Variants in VPS33B observed in about 807,000 individuals in gnomAD.
VPS33B encodes vacuolar protein sorting-associated protein 33B.
VPS33B carries 80 observed loss-of-function variants against 95.3 expected under a neutral mutation model. The observed-to-expected ratio is 0.84, with a 90% CI of 0.70 to 1.01. The LOEUF (loss-of-function observed/expected upper bound fraction) is 1.01. Ranked by LOEUF, VPS33B falls within the 50% of genes least tolerant of loss-of-function variation. VPS33B has a pLI of 0.00. For synonymous variants in VPS33B, 280 were observed against 280.4 expected (o/e 1.00, Z 0.01); for missense variants, 715 against 773.4 (o/e 0.92, Z 0.90).
chr15:91,014,867 G>T (rs1555460110), intron 3 of VPS33B, among the ~76,000 whole-genome samples: 1 of 150,732 alleles, frequency 6.6e-6, no homozygotes, highest in Non-Finnish European at 1.5e-5. Flanking sequence ...TGAGAAGATT[G>T]CTTGAGCTCA....
At position 91,011,192 on chromosome 15, in the gene VPS33B, T is replaced by C. The variant is rs1203718850; in HGVS notation, c.358-1346A>G. On this transcript the variant is annotated intron_variant, in intron 5 of 22. Transcript: ENST00000333371. The surrounding 1 kb of genome is among the most constrained non-coding windows in gnomAD (Gnocchi z 5.5). Reference sequence around the variant, plus strand: ...GAGGTAAGTGGGGAAAGGGTGAATATTTTAAAGTAATGAGAAAGAATGCTG... The same window carrying C: ...GAGGTAAGTGGGGAAAGGGTGAATACTTTAAAGTAATGAGAAAGAATGCTG... Among the ~76,000 whole-genome samples, 1 of 152,194 alleles carries C rather than the reference T, an allele frequency of 6.6e-6. No individual in the cohort carries two copies.
chr15:91,017,677 C>A, intron 2 of VPS33B, 128 bp downstream of exon 2: 2 of 897,372 alleles, frequency 2.2e-6, no homozygotes, highest in South Asian at 1.5e-5. Flanking sequence ...ATCAATCTCC[C>A]TTTTCTACCC....
Position 91,018,627 on chromosome 15 carries a change from C to G in VPS33B, c.97-742G>C, listed in dbSNP as rs1355919519. On this transcript the variant is annotated intron_variant, in intron 1 of 22. Transcript: ENST00000333371. The surrounding 1 kb of genome is among the most constrained non-coding windows in gnomAD (Gnocchi z 4.7). ...CCTCCGAGGGACATTTGGCAATGTC[C>G]AGACACATTTTTGGTTATCTGACTC... is the stretch of plus-strand genomic sequence containing the variant. Among the ~76,000 whole-genome samples the G allele has an allele frequency of 6.6e-6, 1 of 152,110 alleles. No homozygotes were observed.
At chr15:91,017,914 T>C in intron 1 of VPS33B, 29 bp from the exon 2 acceptor site, 1 of 1,610,350 alleles carries the variant, frequency 6.2e-7, no homozygotes, top group Non-Finnish European at 8.5e-7. Context: ...GTTGGGTCAC[T>C]CACAGGTCAC....
At chr15:91,001,318 A>C in intron 19 of VPS33B, 71 bp downstream of exon 19, 1 of 1,280,444 alleles carries the variant, frequency 7.8e-7, no homozygotes. Context: ...TCAAAAAAAA[A>C]AAAAAAAAAG....
Position 91,007,384 on chromosome 15 carries a change from C to T in VPS33B, c.603+85G>A, listed in dbSNP as rs1324946474. 7.9e-7 allele frequency: 1 copy of T among 1,269,802 alleles called. No individual in the cohort carries two copies. The highest frequency in any genetic ancestry group is 1.2e-6 in the Non-Finnish European group (1 of 866,760). The allele number at this position is 1,269,802 out of a possible 1,614,324, so 78.7% of individuals were successfully genotyped here. A position where few individuals can be genotyped will look rare whatever the true frequency, so the allele number is the denominator to read the frequency against. Reference sequence around the variant, plus strand: ...GCAAAGTAAAGAATACACCTCATATCACAGGTGCCCTTGGATAACCCCAGG... The same window carrying T: ...GCAAAGTAAAGAATACACCTCATATTACAGGTGCCCTTGGATAACCCCAGG... On this transcript the variant is annotated intron_variant, in intron 8 of 22. Coordinates refer to ENST00000333371, the MANE Select transcript of VPS33B (RefSeq NM_018668.5). The surrounding 1 kb of genome is among the most constrained non-coding windows in gnomAD (Gnocchi z 5.3).
intron 1 of VPS33B, among the ~76,000 whole-genome samples, chr15:91,019,768 G>A (rs930620793): frequency 6.6e-6 from 1 of 151,950 alleles, no homozygotes; most frequent in Non-Finnish European, 1.5e-5. Flanking sequence ...GTGGTGGTGT[G>A]AGCAAACATA....
At position 91,007,038 on chromosome 15, in the gene VPS33B, A is replaced by G. The variant is rs773377455; in HGVS notation, c.612T>C (p.Tyr204=). ...CCTCCTCCAGGTTCCTCCACAATTC[A>G]TATGCCATCTGCCAGGGCCCAAGAC... ...YGIGRCAKMA[Y]ELWRNLEEEE... is the part of the protein sequence containing the mutation. The change falls in exon 9 of 23, where the codon TAT becomes TAC. Residue 204 remains tyrosine (Y), a synonymous_variant. Coordinates refer to ENST00000333371, the MANE Select transcript of VPS33B (RefSeq NM_018668.5). This position sits in a 1 kb window ranked among gnomAD's most constrained non-coding sequence, Gnocchi z 5.3. 2 of 1,611,750 alleles carry G rather than the reference A, an allele frequency of 1.2e-6. No individual in the cohort carries two copies. The highest frequency in any genetic ancestry group is 1.7e-6 in the Non-Finnish European group (2 of 1,180,000).
Position 91,007,235 on chromosome 15 carries a change from G to A in VPS33B, c.604-189C>T, listed in dbSNP as rs1352314270. On this transcript the variant is annotated intron_variant, in intron 8 of 22. Coordinates refer to ENST00000333371, the MANE Select transcript of VPS33B (RefSeq NM_018668.5). This position sits in a 1 kb window ranked among gnomAD's most constrained non-coding sequence, Gnocchi z 5.3. ...CCAACACTCTTCCTACTGATGAGAAGATGTGTTACTCTGTCCCCAAAATAA... is the reference window on the plus strand; with the variant it reads ...CCAACACTCTTCCTACTGATGAGAAAATGTGTTACTCTGTCCCCAAAATAA... Among the ~76,000 whole-genome samples the A allele has an allele frequency of 1.3e-5, 2 of 152,168 alleles. No individual in the cohort carries two copies. The highest frequency in any genetic ancestry group is 2.9e-5 in the Non-Finnish European group (2 of 68,038).
intron 6 of VPS33B, among the ~76,000 whole-genome samples, chr15:91,008,537 T>C (rs1013719716): frequency 2.6e-5 from 4 of 152,186 alleles, no homozygotes; most frequent in Admixed American, 6.5e-5. Context: ...AGTGCTGGGA[T>C]TACAGGTGTG....
Position 90,999,934 on chromosome 15 carries a change from T to A in VPS33B, c.1623A>T (p.Val541=). 6.2e-7 allele frequency: 1 copy of A among 1,614,192 alleles called. No homozygotes were observed. Among genetic ancestry groups the A allele is most frequent in the Non-Finnish European group, 8.5e-7 (1 of 1,180,042 alleles). The change falls in exon 21 of 23, where the codon GTA becomes GTT. Residue 541 remains valine, a synonymous_variant. Coordinates refer to ENST00000333371, the MANE Select transcript of VPS33B (RefSeq NM_018668.5). The surrounding 1 kb of genome is among the most constrained non-coding windows in gnomAD (Gnocchi z 5.1). ...RRSWQGLDEV[V]RLLNCSDFAF... ...CAAAGTCACTGCAGTTGAGCAGCCG[T>A]ACCACCTCATCAAGGCCCTGCCAGC...
chr15:91,006,849 T>G lies in VPS33B; in HGVS notation c.700+101A>C. The G allele has an allele frequency of 6.3e-7, 1 of 1,591,454 alleles. No homozygotes were observed. Among genetic ancestry groups the G allele is most frequent in the Non-Finnish European group, 8.6e-7 (1 of 1,159,840 alleles). On this transcript the variant is annotated intron_variant, in intron 9 of 22. Transcript: ENST00000333371. The surrounding 1 kb of genome is among the most constrained non-coding windows in gnomAD (Gnocchi z 5.4). Reference sequence around the variant, plus strand: ...GGACCCACGCTCCTCAAAGCTGGGATTCACAGCCCTAACTTTAGGATTTTA... The same window carrying G: ...GGACCCACGCTCCTCAAAGCTGGGAGTCACAGCCCTAACTTTAGGATTTTA...
chr15:91,007,931 A>G lies in VPS33B; in HGVS notation c.437T>C (p.Leu146Pro). The G allele has an allele frequency of 1.2e-6, 2 of 1,614,250 alleles. No homozygotes were observed. The highest frequency in any genetic ancestry group is 1.7e-6 in the Non-Finnish European group (2 of 1,180,046). Residue 146 changes from leucine to proline, a missense_variant, in exon 7 of 23, where the codon CTG (leucine) becomes CCG (proline). Physicochemically the swap from Leu to Pro is moderately conservative, Grantham distance 98 (BLOSUM62 -3). Coordinates refer to ENST00000333371, the MANE Select transcript of VPS33B (RefSeq NM_018668.5). This position sits in a 1 kb window ranked among gnomAD's most constrained non-coding sequence, Gnocchi z 5.3. ...GCTCAGCAGATCCACATCAAGAGGC[A>G]GCAAAGAGAAGGCCCATTCATCACA... ...VSCDEWAFSL[L>P]PLDVDLLSME...
In VPS33B at chr15:91,014,447, A is replaced by G; in HGVS notation, c.240-14T>C. The G allele has an allele frequency of 6.3e-7, 1 of 1,577,282 alleles. No homozygotes were observed. The highest frequency in any genetic ancestry group is 8.6e-7 in the Non-Finnish European group (1 of 1,162,066). On this transcript the variant is annotated splice_polypyrimidine_tract_variant and intron_variant, in intron 3 of 22. Transcript: ENST00000333371. ...AAGAAGCACAATCTATGAGAGAGAA[A>G]GAAAAAAAAACAGTGAAGAAGAATT...
chr15:91,012,503 G>A (rs147655747), intron 5 of VPS33B, among the ~76,000 whole-genome samples: 1 of 152,304 alleles, frequency 6.6e-6, no homozygotes, highest in African/African-American at 2.4e-5. Flanking sequence ...GGCCTCAAGG[G>A]TGGATTTTAT....
rs377040521 is a variant in VPS33B at position 91,000,019 on chromosome 15, A to C, written c.1582-44T>G. On this transcript the variant is annotated intron_variant, in intron 20 of 22. Coordinates refer to ENST00000333371, the MANE Select transcript of VPS33B (RefSeq NM_018668.5). This position sits in a 1 kb window ranked among gnomAD's most constrained non-coding sequence, Gnocchi z 4.9. ...TGTTTTTAAGGCTACAGACAGTATC[A>C]GGCTTAGGAAAGGAAGGGCACAGCA... is the stretch of plus-strand genomic sequence containing the variant. The C allele has an allele frequency of 6.2e-7, 1 of 1,611,198 alleles. No individual in the cohort carries two copies. Among genetic ancestry groups the C allele is most frequent in the African/African-American group, 1.3e-5 (1 of 75,000 alleles).
rs1162433500 is a variant in VPS33B at position 91,009,682 on chromosome 15, A to G, written c.403+119T>C. On this transcript the variant is annotated intron_variant, in intron 6 of 22. Transcript: ENST00000333371. The surrounding 1 kb of genome is among the most constrained non-coding windows in gnomAD (Gnocchi z 4.1). ...CTCTCCTCCTGCTACACTAACAGGA[A>G]TAAGACCAGGAAAAGAAGGAGCTGG... The G allele has an allele frequency of 6.4e-6, 7 of 1,090,860 alleles. No individual in the cohort carries two copies. The highest frequency in any genetic ancestry group is 9.5e-6 in the Non-Finnish European group (7 of 738,954). The allele number at this position is 1,090,860 out of a possible 1,614,324, so 67.6% of individuals were successfully genotyped here. A position where few individuals can be genotyped will look rare whatever the true frequency, so the allele number is the denominator to read the frequency against.
In VPS33B at chr15:91,005,590, G is replaced by A; in HGVS notation, c.1030+104C>T. On this transcript the variant is annotated intron_variant, in intron 13 of 22. Coordinates refer to ENST00000333371, the MANE Select transcript of VPS33B (RefSeq NM_018668.5). This position sits in a 1 kb window ranked among gnomAD's most constrained non-coding sequence, Gnocchi z 6.4. ...CACTTTACACCAAGTAAGACCATAT[G>A]CATCAGATGAACAGGGATCTCCTCC... is the stretch of plus-strand genomic sequence containing the variant. 3 of 1,568,402 alleles carry A rather than the reference G, an allele frequency of 1.9e-6. No individual in the cohort carries two copies. Among genetic ancestry groups the A allele is most frequent in the Middle Eastern group, 1.7e-4 (1 of 5,966 alleles).
In VPS33B at chr15:91,015,292, C is replaced by T. The variant is rs1050382266; in HGVS notation, c.240-859G>A. Reference sequence around the variant, plus strand: ...TGGAGGTTACAGTGAGCCCAGATCGCGCCATTGCTCTCCAGCCTGGATGAC... The same window carrying T: ...TGGAGGTTACAGTGAGCCCAGATCGTGCCATTGCTCTCCAGCCTGGATGAC... On this transcript the variant is annotated intron_variant, in intron 3 of 22. Coordinates refer to ENST00000333371, the MANE Select transcript of VPS33B (RefSeq NM_018668.5). This position sits in a 1 kb window ranked among gnomAD's most constrained non-coding sequence, Gnocchi z 4.7. Among the ~76,000 whole-genome samples the T allele has an allele frequency of 7.2e-5, 11 of 151,936 alleles. No individual in the cohort carries two copies. Among genetic ancestry groups the T allele is most frequent in the Non-Finnish European group, 1.0e-4 (7 of 67,996 alleles).
Sources: allele counts gnomAD v4.1 joint callset (sites outside exome capture counted in the v4.1 genomes callset), GRCh38; gene constraint gnomAD v4.1.1; non-coding constraint Gnocchi (gnomAD v3.1); transcripts MANE v1.5; gene names NCBI Gene and HGNC (gene_info 2026-07-23, HGNC 2026-07-21).